The following COL13A1 variants were observed in gnomAD, a reference collection of about 807,000 sequenced individuals.
The protein encoded by COL13A1 is collagen alpha-1(XIII) chain.
COL13A1 carries 89 observed loss-of-function variants against 130.9 expected under a neutral mutation model. That is an observed-to-expected ratio of 0.68 (90% confidence interval 0.57 to 0.81). The LOEUF (loss-of-function observed/expected upper bound fraction) is 0.81, where lower values mean the gene tolerates loss of function less well. Ranked by LOEUF, COL13A1 falls within the 30% of genes least tolerant of loss-of-function variation. COL13A1 has a pLI of 0.00. For missense variants in COL13A1, 879 were observed against 934.6 expected, an observed-to-expected ratio of 0.94 and a Z score of 0.78; for synonymous variants, 402 against 341.6, an observed-to-expected ratio of 1.18 and a Z score of -1.95.
rs75155490 is a variant in COL13A1, at chr10:69,894,776, T to C, written c.657+75T>C. 1,503 of 1,582,340 alleles carry C rather than the reference T, an allele frequency of 9.5e-4. 22 individuals are homozygous for C. In the East Asian group the frequency reaches 0.028, roughly 30 times the overall value. On this transcript the variant is annotated intron_variant, in intron 12 of 40. Coordinates refer to ENST00000645393, the MANE Select transcript of COL13A1 (RefSeq NM_001368882.1). The stretch of plus-strand genomic sequence containing the variant: ...CCAGTTGGTAGAAAGGGGTCAATTA[T>C]GGTTATTTTCAAACTTCAGTTTTAA...
At chr10:69,932,494 G>C in intron 30 of COL13A1, 66 bp from the exon 31 acceptor site, 1 of 1,136,022 alleles carries the variant, frequency 8.8e-7, no homozygotes, top group East Asian at 2.4e-5. Context: ...TCACAGATGT[G>C]AGGGTGCGTC....
intron 40 of COL13A1, 88 bp downstream of exon 40, chr10:69,957,130 G>A (rs1457648498): frequency 2.6e-6 from 3 of 1,162,790 alleles, no homozygotes; most frequent in Non-Finnish European, 3.9e-6. Context: ...TGCTACAGAT[G>A]AGGCAGCAAG....
intron 7 of COL13A1, among the ~76,000 whole-genome samples, chr10:69,882,838 G>C (rs192028687): frequency 6.6e-6 from 1 of 152,184 alleles, no homozygotes; most frequent in Admixed American, 6.5e-5. Context: ...CCAGTGGCTC[G>C]AGCTATCCCT....
At chr10:69,877,699 TCACACACACA>T (rs10532425) in intron 5 of COL13A1, 13,109 of 86,502 alleles carry the variant, frequency 0.15, 966 homozygotes, top group Middle Eastern at 0.26. Flanking sequence ...TCTCTCTCTC[TCACACACACA>T]CACACACACA....
chr10:69,880,162 G>A (rs753474857), intron 6 of COL13A1, among the ~76,000 whole-genome samples: 59 of 151,870 alleles, frequency 3.9e-4, no homozygotes, highest in Non-Finnish European at 7.2e-4. Flanking sequence ...TGTTCTTCTC[G>A]CTTCCCCGGC....
At position 69,925,785 on chromosome 10, in the gene COL13A1, G is replaced by A. The variant is rs2065267182; in HGVS notation, c.1330-19G>A. On this transcript the variant is annotated intron_variant, in intron 25 of 40. Transcript: ENST00000645393. ...CCTCCCGGTCCAGGCCGTGGGTTGA[G>A]ATCTCATTTGCCTTCCAGGGCTCCA... 1 of 1,581,038 alleles carries A rather than the reference G, an allele frequency of 6.3e-7. No individual in the cohort carries two copies. Among genetic ancestry groups the A allele is most frequent in the Non-Finnish European group, 8.6e-7 (1 of 1,162,522 alleles).
chr10:69,905,660 G>A, intron 16 of COL13A1, 127 bp from the exon 17 acceptor site: 2 of 967,084 alleles, frequency 2.1e-6, no homozygotes, highest in South Asian at 1.4e-5. Context: ...GCTGGAGATG[G>A]GTGTTGAAGG....
At position 69,895,531 on chromosome 10, in the gene COL13A1, C is replaced by G. The variant is rs2061548979; in HGVS notation, c.658-19C>G. 2 of 1,613,952 alleles carry G rather than the reference C, an allele frequency of 1.2e-6. No homozygotes were observed. ...CAACAAGTGCCTAACACCACCTTTCCCTTCCCTCTCCTTCCCAGGGTCAGT... is the reference window on the plus strand; with the variant it reads ...CAACAAGTGCCTAACACCACCTTTCGCTTCCCTCTCCTTCCCAGGGTCAGT... On this transcript the variant is annotated intron_variant, in intron 12 of 40. Transcript: ENST00000645393.
intron 2 of COL13A1, among the ~76,000 whole-genome samples, chr10:69,832,997 A>T (rs942563): frequency 1.1e-4 from 17 of 152,164 alleles, no homozygotes; most frequent in African/African-American, 1.7e-4. Flanking sequence ...TAGGAGAACG[A>T]GGGGCAACTG....
chr10:69,958,781 T>C lies in COL13A1; in HGVS notation c.*80T>C, dbSNP rs2071305406. Reference sequence around the variant, plus strand: ...TTATACAGTTTTCACTTTTTGAAAATGCCAGAAGTATGATGCATCTTACAG... The same window carrying C: ...TTATACAGTTTTCACTTTTTGAAAACGCCAGAAGTATGATGCATCTTACAG... On this transcript the variant is annotated 3_prime_UTR_variant, in exon 41 of 41. Transcript: ENST00000645393. The C allele has an allele frequency of 1.3e-6, 2 of 1,587,584 alleles. No individual in the cohort carries two copies. The highest frequency in any genetic ancestry group is 1.3e-5 in the African/African-American group (1 of 74,188).
At chr10:69,917,399 C>A in intron 18 of COL13A1, 66 bp downstream of exon 18, 1 of 1,435,612 alleles carries the variant, frequency 7.0e-7, no homozygotes. Flanking sequence ...ATCCCTCTCT[C>A]CTCAGCTCTG....
chr10:69,899,364 AT>A (rs1195910298), intron 14 of COL13A1, among the ~76,000 whole-genome samples: 1 of 152,242 alleles, frequency 6.6e-6, no homozygotes, highest in Non-Finnish European at 1.5e-5. Context: ...ACTATTATCC[AT>A]ATTTTGGAGA....
chr10:69,858,115 C>CAAAAA lies in COL13A1; in HGVS notation c.365-9667_365-9663dup, dbSNP rs573668102. Among the ~76,000 whole-genome samples the CAAAAA allele has an allele frequency of 1.9e-4, 15 of 80,362 alleles. 1 individual carries two copies. The highest frequency in any genetic ancestry group is 3.4e-4 in the Admixed American group (2 of 5,860). The allele number at this position is 80,362 out of a possible 152,430, so 52.7% of individuals were successfully genotyped here. ...TGGGTGACAGAGCGAGACTCCGTCT[C>CAAAAA]AAAAAAAAAAAAAAAAAAAAGATTG... On this transcript the variant is annotated intron_variant, in intron 2 of 40. Coordinates refer to ENST00000645393, the MANE Select transcript of COL13A1 (RefSeq NM_001368882.1).
intron 30 of COL13A1, among the ~76,000 whole-genome samples, chr10:69,931,642 C>A (rs922835207): frequency 6.6e-6 from 1 of 152,220 alleles, no homozygotes; most frequent in African/African-American, 2.4e-5. Context: ...GCCTCCAGAC[C>A]TGTCCACTGC....
At chr10:69,943,642 G>A (rs2067998634) in intron 35 of COL13A1, among the ~76,000 whole-genome samples, 1 of 152,218 alleles carries the variant, frequency 6.6e-6, no homozygotes, top group African/African-American at 2.4e-5. Flanking sequence ...AGGGCTGTGG[G>A]TCTGCGGTGG....
intron 29 of COL13A1, 74 bp downstream of exon 29, chr10:69,930,161 G>A (rs529841626): frequency 6.6e-7 from 1 of 1,510,424 alleles, no homozygotes; most frequent in Non-Finnish European, 9.1e-7. Context: ...GGGCAGGAAG[G>A]CTCTAGAATT....
At chr10:69,819,774 C>T (rs1159980411) in intron 1 of COL13A1, among the ~76,000 whole-genome samples, 3 of 152,176 alleles carry the variant, frequency 2.0e-5, no homozygotes, top group Non-Finnish European at 4.4e-5. Flanking sequence ...CAACAAGCCC[C>T]AGAACCAGTG....
chr10:69,842,138 T>C (rs569357141), intron 2 of COL13A1, among the ~76,000 whole-genome samples: 2 of 152,298 alleles, frequency 1.3e-5, no homozygotes, highest in East Asian at 3.9e-4. Flanking sequence ...TGGTGGGAGA[T>C]GATTGACTCA....
chr10:69,926,660 T>G (rs2065401164), intron 26 of COL13A1, among the ~76,000 whole-genome samples: 1 of 152,206 alleles, frequency 6.6e-6, no homozygotes, highest in African/African-American at 2.4e-5. Context: ...TTTGCTATAT[T>G]GTGTCTGTTT....
Sources: gnomAD v4.1 joint callset for allele counts (sites outside exome capture counted in the v4.1 genomes callset) on GRCh38, gnomAD v4.1.1 for gene constraint, MANE v1.5 for transcripts, NCBI Gene and HGNC (gene_info 2026-07-23, HGNC 2026-07-21) for gene names.